IPO13: variants seen among roughly 807,000 people sequenced by gnomAD.
The protein encoded by IPO13 is importin 13.
In IPO13, 28 loss-of-function variants were observed where a neutral mutation model predicts 115.5. That is an observed-to-expected ratio of 0.24 (90% CI 0.18 to 0.33). IPO13 has a LOEUF of 0.33. Among genes scored for constraint, IPO13 ranks in the 10% least tolerant of loss-of-function variants. The pLI, the probability that IPO13 is intolerant of heterozygous loss-of-function variation, is 1.00. For missense variants in IPO13, 785 were observed against 1,204.6 expected, an observed-to-expected ratio of 0.65 and a Z score of 5.16; for synonymous variants, 414 against 478.9, an observed-to-expected ratio of 0.86 and a Z score of 1.77.
Position 43,960,321 on chromosome 1 carries a change from G to A in IPO13, c.2101G>A (p.Val701Ile). Residue 701 changes from valine (V) to isoleucine (I), a missense_variant, in exon 12 of 20, where the codon GTT (valine) becomes ATT (isoleucine). By Grantham distance (29) the Val-to-Ile change is conservative. Around this residue, in one of 3 missense-constraint regions of IPO13, gnomAD observed 285 missense variants for 394.8 expected, o/e 0.72. Transcript: ENST00000372343. ...GAGCAAATGGTTGAATGATGCCCAGGTTGTGGAGGTGAGCCCTGACCCTTG... is the reference window on the plus strand; with the variant it reads ...GAGCAAATGGTTGAATGATGCCCAGATTGTGGAGGTGAGCCCTGACCCTTG... ...VLSKWLNDAQ[V>I]VEAVCAIFEK... The A allele has an allele frequency of 1.2e-6, 2 of 1,614,162 alleles. No individual in the cohort carries two copies. Among genetic ancestry groups the A allele is most frequent in the Non-Finnish European group, 1.7e-6 (2 of 1,180,000 alleles).
Position 43,946,958 on chromosome 1 carries a change from TGTCA to T in IPO13, c.-638_-635del, listed in dbSNP as rs2085170123. 2.5e-6 allele frequency: 1 copy of T among 398,140 alleles called. No homozygotes were observed. The highest frequency in any genetic ancestry group is 4.4e-6 in the Non-Finnish European group (1 of 225,954). 24.7% of individuals were successfully genotyped at this position (398,140 alleles called of 1,614,324 possible). On this transcript the variant is annotated 5_prime_UTR_variant, in exon 1 of 20. Coordinates refer to ENST00000372343, the MANE Select transcript of IPO13 (RefSeq NM_014652.4). ...CCGTCCCGGCCGGCCTGGCTTGTCT[TGTCA>T]GTCACTGGGGCGGAGGCAGCGGCTG... is the stretch of plus-strand genomic sequence containing the variant.
At position 43,956,353 on chromosome 1, in the gene IPO13, G is replaced by C; in HGVS notation, c.855G>C (p.Leu285=). ...ACACACTCCTGAAACTCATCCCGCT[G>C]GTGCTGGGTCTGCAGGAACAACTGC... The part of the protein sequence containing the change: ...YVNTLLKLIP[L]VLGLQEQLRQ... The change falls in exon 3 of 20, where the codon CTG becomes CTC. Residue 285 remains leucine (L), a synonymous_variant. Coordinates refer to ENST00000372343, the MANE Select transcript of IPO13 (RefSeq NM_014652.4). The surrounding 1 kb of genome is among the most constrained non-coding windows in gnomAD (Gnocchi z 4.7). 2.5e-6 allele frequency: 4 copies of C among 1,614,180 alleles called. No individual in the cohort carries two copies. Among genetic ancestry groups the C allele is most frequent in the Non-Finnish European group, 3.4e-6 (4 of 1,180,038 alleles).
Position 43,947,209 on chromosome 1 carries a change from G to T in IPO13, c.-392G>T. On this transcript the variant is annotated 5_prime_UTR_variant, in exon 1 of 20. Transcript: ENST00000372343. ...GCCGAGAGCTCACCCAGGCGGGGGT[G>T]TTGTGGGTACAGGCCATCGACCCTG... is the stretch of plus-strand genomic sequence containing the variant. The T allele has an allele frequency of 2.5e-6, 1 of 398,866 alleles. No individual in the cohort carries two copies. Among genetic ancestry groups the T allele is most frequent in the Non-Finnish European group, 4.4e-6 (1 of 226,234 alleles). The allele number at this position is 398,866 out of a possible 1,614,324, so 24.7% of individuals were successfully genotyped here. A position where few individuals can be genotyped will look rare whatever the true frequency, so the allele number is the denominator to read the frequency against.
Position 43,950,084 on chromosome 1 carries a change from A to T in IPO13, c.752A>T (p.Gln251Leu), listed in dbSNP as rs768059453. 36 of 1,613,798 alleles carry T rather than the reference A, an allele frequency of 2.2e-5. No individual in the cohort carries two copies. Among genetic ancestry groups the T allele is most frequent in the Non-Finnish European group, 2.5e-6 (3 of 1,180,012 alleles). Residue 251 changes from glutamine (Q) to leucine (L), a missense_variant, in exon 2 of 20, where the codon CAG becomes CTG. Coordinates refer to ENST00000372343, the MANE Select transcript of IPO13 (RefSeq NM_014652.4). ...ALIQAAFAAL[Q>L]DSELFDSSVE... The stretch of plus-strand genomic sequence containing the variant: ...ATTCAGGCTGCCTTTGCTGCTCTGC[A>T]GGACTCGGAGCTCTTCGACAGCAGT...
In IPO13 at chr1:43,966,363, T is replaced by G. The variant is rs1030409095; in HGVS notation, c.2398-212T>G. On this transcript the variant is annotated intron_variant, in intron 15 of 19. Transcript: ENST00000372343. This position sits in a 1 kb window ranked among gnomAD's most constrained non-coding sequence, Gnocchi z 4.1. The stretch of plus-strand genomic sequence containing the variant: ...TCTCTCACGTACACCTGCGTGTTCA[T>G]GTACACATACATGTACATAGCATCC... 3.3e-6 allele frequency: 2 copies of G among 609,008 alleles called. No homozygotes were observed. The highest frequency in any genetic ancestry group is 3.7e-5 in the African/African-American group (2 of 54,168). 37.7% of individuals were successfully genotyped at this position (609,008 alleles called of 1,614,324 possible).
In IPO13 at chr1:43,949,869, C is replaced by T. The variant is rs1299350063; in HGVS notation, c.537C>T (p.Thr179=). ...CAGTGCTGCCTGAGGAGTTCCAGAC[C>T]AGTCGCCTACCCCAGTACCGCAAAG... ...LLTVLPEEFQ[T]SRLPQYRKGL... is the part of the protein sequence containing the mutation. Residue 179 remains threonine (T), a synonymous_variant, in exon 2 of 20, where the codon ACC becomes ACT. Transcript: ENST00000372343. 1 of 1,612,542 alleles carries T rather than the reference C, an allele frequency of 6.2e-7. No individual in the cohort carries two copies. Among genetic ancestry groups the T allele is most frequent in the African/African-American group, 1.3e-5 (1 of 74,938 alleles).
rs980326002 is a variant in IPO13, at chr1:43,957,141, C to T, written c.1272-54C>T. On this transcript the variant is annotated intron_variant, in intron 5 of 19. Coordinates refer to ENST00000372343, the MANE Select transcript of IPO13 (RefSeq NM_014652.4). Reference sequence around the variant, plus strand: ...TGGGGTAGGCTCCTGGGCTTGGGGGCAGGATCCAGGGTCAGGATCCAGGCA... The same window carrying T: ...TGGGGTAGGCTCCTGGGCTTGGGGGTAGGATCCAGGGTCAGGATCCAGGCA... 4 of 1,594,578 alleles carry T rather than the reference C, an allele frequency of 2.5e-6. No individual in the cohort carries two copies. The East Asian group carries it at 6.7e-5, about 27-fold the overall frequency.
Position 43,947,004 on chromosome 1 carries a change from G to A in IPO13, c.-597G>A. 1 of 398,710 alleles carries A rather than the reference G, an allele frequency of 2.5e-6. No individual in the cohort carries two copies. Among genetic ancestry groups the A allele is most frequent in the Non-Finnish European group, 4.4e-6 (1 of 226,146 alleles). The allele number at this position is 398,710 out of a possible 1,614,324, so 24.7% of individuals were successfully genotyped here. A position where few individuals can be genotyped will look rare whatever the true frequency, so the allele number is the denominator to read the frequency against. On this transcript the variant is annotated 5_prime_UTR_variant, in exon 1 of 20. Transcript: ENST00000372343. ...CAGCGGCTGTAGCGGGGCTGTAGCC[G>A]GGCGTTGAGCACAGCGCGGGCCAGG...
At position 43,957,226 on chromosome 1, in the gene IPO13, T is replaced by A. The variant is rs952048136; in HGVS notation, c.1303T>A (p.Tyr435Asn). 1.2e-6 allele frequency: 2 copies of A among 1,614,008 alleles called. No individual in the cohort carries two copies. Among genetic ancestry groups the A allele is most frequent in the Admixed American group, 3.3e-5 (2 of 59,996 alleles). Residue 435 changes from tyrosine (Y) to asparagine (N), a missense_variant, in exon 6 of 20, where the codon TAT becomes AAT. By Grantham distance (143) the Tyr-to-Asn change is moderately radical. This residue lies in a region of IPO13 where 175 missense variants were observed against 360.0 expected (regional missense o/e 0.49). Transcript: ENST00000372343. ...VDISDTLMYV[Y>N]EMLGAELLSN... ...CATCTCAGACACGCTCATGTATGTC[T>A]ATGAGATGTTGGGGGCCGAGCTGCT...
rs1315893518 is a variant in IPO13, at chr1:43,956,927, G to A, written c.1222G>A (p.Glu408Lys). ...CAAGGCCCAGTTCCCTTCTGATGAG[G>A]AATATGGATTCTGGTCCTCAGACGA... Reference protein sequence around the residue: ...LHKAQFPSDEEYGFWSSDEKE... With the variant: ...LHKAQFPSDEKYGFWSSDEKE... The change falls in exon 5 of 20, where the codon GAA (glutamate) becomes AAA (lysine). Residue 408 changes from glutamate to lysine, a missense_variant. Physicochemically the swap from Glu to Lys is moderately conservative, Grantham distance 56. Coordinates refer to ENST00000372343, the MANE Select transcript of IPO13 (RefSeq NM_014652.4). The surrounding 1 kb of genome is among the most constrained non-coding windows in gnomAD (Gnocchi z 4.7). 1 of 1,614,246 alleles carries A rather than the reference G, an allele frequency of 6.2e-7. No individual in the cohort carries two copies.
Position 43,949,816 on chromosome 1 carries a change from C to T in IPO13, c.484C>T (p.Arg162Cys), listed in dbSNP as rs769818305. 13 of 1,613,810 alleles carry T rather than the reference C, an allele frequency of 8.1e-6. No homozygotes were observed. The highest frequency in any genetic ancestry group is 9.3e-6 in the Non-Finnish European group (11 of 1,179,958). Residue 162 changes from arginine (R) to cysteine (C), a missense_variant, in exon 2 of 20, where the codon CGC (arginine) becomes TGC (cysteine). Arg to Cys is a radical substitution (Grantham distance 180, BLOSUM62 -3). This residue lies in a region of IPO13 where 325 missense variants were observed against 449.8 expected (regional missense o/e 0.72). Transcript: ENST00000372343. Reference protein sequence around the residue: ...AEDSPVDGQGRCLALLELLTV... With the variant: ...AEDSPVDGQGCCLALLELLTV... The stretch of plus-strand genomic sequence containing the variant: ...GGACTCACCAGTGGATGGGCAGGGC[C>T]GCTGCCTAGCCCTGTTAGAGCTGCT...
At chr1:43,949,222 A>C (rs777655353) in intron 1 of IPO13, 195 bp from the exon 2 acceptor site, 1 of 584,434 alleles carries the variant, frequency 1.7e-6, no homozygotes, top group Admixed American at 3.1e-5. Context: ...ATGGTAGAGC[A>C]TGGGCAAGGT....
chr1:43,957,040 G>A, intron 5 of IPO13, 64 bp downstream of exon 5: 1 of 1,583,434 alleles, frequency 6.3e-7, no homozygotes, highest in South Asian at 1.1e-5. Flanking sequence ...ATGAGGGAAG[G>A]GGCCCAAGTC....
At position 43,967,806 on chromosome 1, in the gene IPO13, G is replaced by A; in HGVS notation, c.*124G>A. The stretch of plus-strand genomic sequence containing the variant: ...CACCACCACCTAACTGAAAGCCTGG[G>A]TCCAGAAGGCCTGGGGGAAGGATGG... On this transcript the variant is annotated 3_prime_UTR_variant, in exon 20 of 20. Transcript: ENST00000372343. This position sits in a 1 kb window ranked among gnomAD's most constrained non-coding sequence, Gnocchi z 6.1. The A allele has an allele frequency of 1.1e-6, 1 of 917,068 alleles. No individual in the cohort carries two copies. Among genetic ancestry groups the A allele is most frequent in the South Asian group, 1.5e-5 (1 of 67,604 alleles). 56.8% of individuals were successfully genotyped at this position (917,068 alleles called of 1,614,324 possible). A position where few individuals can be genotyped will look rare whatever the true frequency, so the allele number is the denominator to read the frequency against.
chr1:43,950,663 C>A (rs536714135), intron 2 of IPO13, among the ~76,000 whole-genome samples: 3 of 152,334 alleles, frequency 2.0e-5, no homozygotes, highest in African/African-American at 7.2e-5. Flanking sequence ...CATAATGGTG[C>A]TGCACAGTAT....
At position 43,958,519 on chromosome 1, in the gene IPO13, T is replaced by G. The variant is rs773113050; in HGVS notation, c.1808T>G (p.Val603Gly). 4 of 1,613,996 alleles carry G rather than the reference T, an allele frequency of 2.5e-6. No homozygotes were observed. Among genetic ancestry groups the G allele is most frequent in the Non-Finnish European group, 3.4e-6 (4 of 1,180,046 alleles). ...ALGFLLSALQ[V>G]EEILKNLHSL... ...GGCTTCCTGCTGTCAGCTCTTCAAG[T>G]GGAGGAGATCCTTAAGAACCTGCAC... The change falls in exon 10 of 20, where the codon GTG (valine) becomes GGG (glycine). Residue 603 changes from valine (V) to glycine (G), a missense_variant. By Grantham distance (109) the Val-to-Gly change is moderately radical. Transcript: ENST00000372343. The surrounding 1 kb of genome is among the most constrained non-coding windows in gnomAD (Gnocchi z 6.3).
chr1:43,961,277 G>C lies in IPO13; in HGVS notation c.2344+15G>C. 2 of 1,592,230 alleles carry C rather than the reference G, an allele frequency of 1.3e-6. No homozygotes were observed. The highest frequency in any genetic ancestry group is 1.3e-5 in the African/African-American group (1 of 74,546). ...CTTCCAGCAAGGTAGGTCCTGACCG[G>C]GGTCTCTGCTGCTGCTGCCACTGCC... On this transcript the variant is annotated intron_variant, in intron 14 of 19. Transcript: ENST00000372343.
intron 15 of IPO13, among the ~76,000 whole-genome samples, chr1:43,964,647 G>A (rs1374960587): frequency 1.3e-5 from 2 of 152,186 alleles, no homozygotes; most frequent in Non-Finnish European, 2.9e-5. Flanking sequence ...AGAAGTTCAC[G>A]TGTAGGGCTG....
At chr1:43,954,479 C>T (rs1431977396) in intron 2 of IPO13, among the ~76,000 whole-genome samples, 1 of 152,194 alleles carries the variant, frequency 6.6e-6, no homozygotes, top group Non-Finnish European at 1.5e-5. Context: ...CCAGATAGAA[C>T]TCCCTCTGGG....
Sources: allele counts gnomAD v4.1 joint callset (sites outside exome capture counted in the v4.1 genomes callset), GRCh38; gene constraint gnomAD v4.1.1; regional missense constraint gnomAD v4.1.1; non-coding constraint Gnocchi (gnomAD v3.1); transcripts MANE v1.5; gene names NCBI Gene and HGNC (gene_info 2026-07-23, HGNC 2026-07-21).